Variants in PTPRD observed in about 807,000 individuals in gnomAD.
PTPRD encodes receptor-type tyrosine-protein phosphatase delta.
In PTPRD, 34 loss-of-function variants were observed where a neutral mutation model predicts 214.5. That is an observed-to-expected ratio of 0.16 (90% CI 0.12 to 0.21). The LOEUF (loss-of-function observed/expected upper bound fraction) is 0.21, where lower values mean the gene tolerates loss of function less well. Among genes scored for constraint, PTPRD ranks in the 10% least tolerant of loss-of-function variants. The pLI is 1.00. For missense variants in PTPRD, 2,545 were observed against 2,398.7 expected (o/e 1.06, Z -1.27); for synonymous variants, 1,128 against 845.7 (o/e 1.33, Z -5.79).
At chr9:9,187,371 T>C (rs1396904388) in intron 9 of PTPRD, among the ~76,000 whole-genome samples, 1 of 152,068 alleles carries the variant, frequency 6.6e-6, no homozygotes, top group East Asian at 1.9e-4. Context: ...GTCCTTTGCA[T>C]TACCTTAAAC....
intron 5 of PTPRD, among the ~76,000 whole-genome samples, chr9:9,881,020 G>GA (rs1253339109): frequency 6.6e-6 from 1 of 152,050 alleles, no homozygotes; most frequent in East Asian, 1.9e-4. Context: ...ACCCTGCATT[G>GA]AAAAACATTT....
chr9:8,828,571 G>C (rs1026884280), intron 11 of PTPRD, among the ~76,000 whole-genome samples: 1 of 152,164 alleles, frequency 6.6e-6, no homozygotes, highest in South Asian at 2.1e-4. Context: ...AAGAGACTAA[G>C]ATGTTATGCT....
intron 12 of PTPRD, among the ~76,000 whole-genome samples, chr9:8,657,160 C>A (rs1043989891): frequency 2.0e-5 from 3 of 147,608 alleles, no homozygotes; most frequent in African/African-American, 7.4e-5. Context: ...ATGTCTTTTG[C>A]CCACTTTTTT....
chr9:10,583,105 T>G (rs2072572036), intron 2 of PTPRD, among the ~76,000 whole-genome samples: 1 of 152,140 alleles, frequency 6.6e-6, no homozygotes, highest in Non-Finnish European at 1.5e-5. Flanking sequence ...GGTGAAGAGT[T>G]GGGTGATGCA....
intron 4 of PTPRD, among the ~76,000 whole-genome samples, chr9:9,953,816 T>G (rs962057481): frequency 6.6e-6 from 1 of 152,148 alleles, no homozygotes; most frequent in African/African-American, 2.4e-5. Flanking sequence ...CTTCCCGCCA[T>G]AGGGTTTTAT....
At chr9:10,512,081 T>C (rs2048478978) in intron 2 of PTPRD, among the ~76,000 whole-genome samples, 1 of 146,598 alleles carries the variant, frequency 6.8e-6, no homozygotes, top group South Asian at 2.1e-4. Context: ...AAACTATGAT[T>C]AGGACTAAGA....
chr9:10,437,562 G>C (rs374320423), intron 2 of PTPRD, among the ~76,000 whole-genome samples: 121 of 151,782 alleles, frequency 8.0e-4, no homozygotes, highest in African/African-American at 2.8e-3. Context: ...TTCAAACTTT[G>C]AGATACTATT....
intron 22 of PTPRD, among the ~76,000 whole-genome samples, chr9:8,505,905 A>G (rs1032818537): frequency 2.8e-4 from 42 of 152,298 alleles, no homozygotes; most frequent in African/African-American, 1.0e-3. Flanking sequence ...GAAGGTTTAA[A>G]CAATTCAGTG....
At chr9:10,591,954 C>A (rs561168530) in intron 2 of PTPRD, among the ~76,000 whole-genome samples, 1 of 152,204 alleles carries the variant, frequency 6.6e-6, no homozygotes, top group African/African-American at 2.4e-5. Flanking sequence ...TTGATTGCAG[C>A]CTTGTAAGAG....
At chr9:9,640,395 C>A (rs190129965) in intron 7 of PTPRD, among the ~76,000 whole-genome samples, 181 of 152,294 alleles carry the variant, frequency 1.2e-3, no homozygotes, top group African/African-American at 4.2e-3. Context: ...TGAAGCAGAA[C>A]TGAGAGAGGA....
chr9:10,479,431 C>G (rs1470369913), intron 2 of PTPRD, among the ~76,000 whole-genome samples: 1 of 151,912 alleles, frequency 6.6e-6, no homozygotes, highest in African/African-American at 2.4e-5. Flanking sequence ...TAAAGGAAAC[C>G]TAAAAGAAAC....
At position 9,653,762 on chromosome 9, in the gene PTPRD, T is replaced by C. The variant is rs76397766; in HGVS notation, c.-286-78981A>G. 5.8e-3 allele frequency among the ~76,000 whole-genome samples: 886 copies of C among 152,358 alleles called. 5 individuals carry two copies. Among genetic ancestry groups the C allele is most frequent in the Non-Finnish European group, 8.6e-3 (582 of 68,028 alleles). ...AACATTTTACTCCTTGATACACTTA[T>C]AAAGCTCCTTCCTCTAAAGGGATTT... On this transcript the variant is annotated intron_variant, in intron 7 of 45. Transcript: ENST00000381196.
chr9:10,177,687 C>G (rs1298853580), intron 3 of PTPRD, among the ~76,000 whole-genome samples: 1 of 151,838 alleles, frequency 6.6e-6, no homozygotes, highest in East Asian at 1.9e-4. Flanking sequence ...GTAGAATTAG[C>G]AGGACTTAAT....
At chr9:8,426,312 C>G (rs545966864) in intron 35 of PTPRD, among the ~76,000 whole-genome samples, 1 of 152,300 alleles carries the variant, frequency 6.6e-6, no homozygotes, top group Admixed American at 6.5e-5. Flanking sequence ...CTAATTGGCC[C>G]AGTCAAAATA....
chr9:8,371,173 G>A (rs1198860382), intron 39 of PTPRD, among the ~76,000 whole-genome samples: 1 of 151,884 alleles, frequency 6.6e-6, no homozygotes. Context: ...TATAAGTAAG[G>A]CAAAGGCAAT....
chr9:10,422,771 G>T (rs2098557104), intron 2 of PTPRD, among the ~76,000 whole-genome samples: 1 of 152,064 alleles, frequency 6.6e-6, no homozygotes, highest in African/African-American at 2.4e-5. Flanking sequence ...TCTCACACAA[G>T]TTAGAATGGC....
chr9:10,566,242 T>C (rs778648711), intron 2 of PTPRD, among the ~76,000 whole-genome samples: 3 of 152,022 alleles, frequency 2.0e-5, no homozygotes, highest in African/African-American at 7.2e-5. Flanking sequence ...TATTCATATA[T>C]GTATATTTTT....
chr9:10,400,418 T>G (rs1183361418), intron 2 of PTPRD, among the ~76,000 whole-genome samples: 1 of 151,786 alleles, frequency 6.6e-6, no homozygotes, highest in Non-Finnish European at 1.5e-5. Context: ...TGACTTATTT[T>G]TCTTTATAAT....
chr9:10,493,324 C>T (rs186203580), intron 2 of PTPRD, among the ~76,000 whole-genome samples: 25 of 152,208 alleles, frequency 1.6e-4, no homozygotes, highest in Non-Finnish European at 2.2e-4. Flanking sequence ...AAGCTGGAGG[C>T]ATCACCCTAC....
Sources: gnomAD v4.1 joint callset for allele counts (sites outside exome capture counted in the v4.1 genomes callset) on GRCh38, gnomAD v4.1.1 for gene constraint, MANE v1.5 for transcripts, NCBI Gene and HGNC (gene_info 2026-07-23, HGNC 2026-07-21) for gene names.